Variants in GAB3 observed in about 807,000 individuals in gnomAD.
The protein encoded by GAB3 is GRB2-associated-binding protein 3.
A neutral mutation model predicts 40.4 loss-of-function variants in GAB3; 12 were observed. That is an observed-to-expected ratio of 0.30 (90% CI 0.19 to 0.48). GAB3 has a LOEUF of 0.48. Among genes scored for constraint, GAB3 ranks in the 20% least tolerant of loss-of-function variants. The pLI is 0.99. For synonymous variants in GAB3, 154 were observed against 176.7 expected (o/e 0.87, Z 1.02); for missense variants, 381 against 461.9 (o/e 0.82, Z 1.61).
rs189485520 is a variant in GAB3, at chrX:154,724,342, T to A, written c.73-8013A>T. Among the ~76,000 whole-genome samples, 30 of 104,810 alleles carry A rather than the reference T, an allele frequency of 2.9e-4. No homozygotes were observed. In the East Asian group the frequency reaches 8.5e-3, roughly 30 times the overall value. 91.0% of individuals were successfully genotyped at this position (104,810 alleles called of 115,157 possible). ...CTGGGCAACAGAGTGAGACTTCATCTTAAATAAATAAATAAATAAATAAAT... is the reference window on the plus strand; with the variant it reads ...CTGGGCAACAGAGTGAGACTTCATCATAAATAAATAAATAAATAAATAAAT... On this transcript the variant is annotated intron_variant, in intron 1 of 9. Coordinates refer to ENST00000424127, the MANE Select transcript of GAB3 (RefSeq NM_001081573.3).
At position 154,693,929 on chromosome X, in the gene GAB3, C is replaced by T. The variant is rs184472020; in HGVS notation, c.1530+1988G>A. On this transcript the variant is annotated intron_variant, in intron 8 of 9. Transcript: ENST00000424127. The stretch of plus-strand genomic sequence containing the variant: ...TCTAAATTTTCTATAATTTCACAAA[C>T]ATTTAAAGAAGGATATATGGCAAAA... Among the ~76,000 whole-genome samples, 5 of 111,078 alleles carry T rather than the reference C, an allele frequency of 4.5e-5. No individual in the cohort carries two copies. In the East Asian group the frequency reaches 1.4e-3, roughly 31 times the overall value.
At chrX:154,685,017 T>G (rs1347772196) in intron 8 of GAB3, among the ~76,000 whole-genome samples, 1 of 112,090 alleles carries the variant, frequency 8.9e-6, no homozygotes, top group Non-Finnish European at 1.9e-5. Flanking sequence ...AGTAACTTAT[T>G]CATAAATTAT....
chrX:154,723,952 A>T (rs2071174193), intron 1 of GAB3, among the ~76,000 whole-genome samples: 1 of 111,773 alleles, frequency 8.9e-6, no homozygotes, highest in Admixed American at 9.5e-5. Flanking sequence ...GTCATCTGTA[A>T]ATGTAAATAG....
In GAB3 at chrX:154,698,999, G is replaced by A. The variant is rs781885420; in HGVS notation, c.1345+295C>T. Among the ~76,000 whole-genome samples, 5 of 111,407 alleles carry A rather than the reference G, an allele frequency of 4.5e-5. No homozygotes were observed. The Middle Eastern group carries it at 0.014, about 307-fold the overall frequency. ...TCTAATCCACCATCACTTATTCCTG[G>A]GCCTTTGTTAGGGAAACAGCCAAAG... is the stretch of plus-strand genomic sequence containing the variant. On this transcript the variant is annotated intron_variant, in intron 6 of 9. Coordinates refer to ENST00000424127, the MANE Select transcript of GAB3 (RefSeq NM_001081573.3).
chrX:154,681,440 T>C (rs2070372933), intron 8 of GAB3, among the ~76,000 whole-genome samples: 1 of 110,539 alleles, frequency 9.0e-6, no homozygotes, highest in Non-Finnish European at 1.9e-5. Flanking sequence ...TTTGGGTTTT[T>C]TTTTTTGCCT....
intron 4 of GAB3, among the ~76,000 whole-genome samples, chrX:154,705,191 C>T (rs2070789664): frequency 9.0e-6 from 1 of 111,285 alleles, no homozygotes. Context: ...AAGAAAACTA[C>T]AGGCCAGTAT....
rs2070306878 is a variant in GAB3, at chrX:154,677,078, G to A, written c.*1100C>T. 9.0e-6 allele frequency: 1 copy of A among 111,503 alleles called. No homozygotes were observed. The highest frequency in any genetic ancestry group is 1.9e-5 in the Non-Finnish European group (1 of 53,004). The allele number at this position is 111,503 out of a possible 1,213,427, so 9.2% of individuals were successfully genotyped here. ...GGTCATTGTGTCTGCTAGCTCACAG[G>A]GAAACACACTGTATAGGTGACCATG... On this transcript the variant is annotated 3_prime_UTR_variant, in exon 10 of 10. Transcript: ENST00000424127.
At chrX:154,699,185 G>A (rs1043518150) in intron 6 of GAB3, 109 bp downstream of exon 6, 5 of 609,591 alleles carry the variant, frequency 8.2e-6, no homozygotes, top group African/African-American at 2.3e-5. Flanking sequence ...TACACTTTCC[G>A]GCCCTCTGGG....
intron 1 of GAB3, among the ~76,000 whole-genome samples, chrX:154,731,432 C>T (rs1041249876): frequency 8.1e-5 from 9 of 111,679 alleles, no homozygotes; most frequent in Non-Finnish European, 1.5e-4. Context: ...TGAGGGGAGG[C>T]TCTTCTAAGC....
At chrX:154,735,312 C>T (rs191632420) in intron 1 of GAB3, among the ~76,000 whole-genome samples, 4 of 112,355 alleles carry the variant, frequency 3.6e-5, no homozygotes, top group African/African-American at 6.5e-5. Context: ...TGGCAATCTC[C>T]GCACTCTCAT....
chrX:154,685,602 GA>G (rs1323303083), intron 8 of GAB3, among the ~76,000 whole-genome samples: 3 of 108,716 alleles, frequency 2.8e-5, no homozygotes, highest in South Asian at 3.9e-4. Flanking sequence ...AAAAGTCAAA[GA>G]AAAAAAACAA....
intron 1 of GAB3, among the ~76,000 whole-genome samples, chrX:154,733,260 G>A (rs1437645745): frequency 8.9e-6 from 1 of 112,300 alleles, no homozygotes; most frequent in Non-Finnish European, 1.9e-5. Context: ...GCAATTCAAT[G>A]TATGCTATTT....
chrX:154,701,121 T>C (rs1557252153), intron 4 of GAB3, among the ~76,000 whole-genome samples: 1 of 111,998 alleles, frequency 8.9e-6, no homozygotes, highest in Non-Finnish European at 1.9e-5. Context: ...TGTATGGCAC[T>C]AGACAAGTTA....
chrX:154,679,996 C>T lies in GAB3; in HGVS notation c.1647+136G>A, dbSNP rs1373573452. ...TTCTCTCTGGGAGGCAGGATGAGGGCCGATTTTAATATTCTTCATTATACA... is the reference window on the plus strand; with the variant it reads ...TTCTCTCTGGGAGGCAGGATGAGGGTCGATTTTAATATTCTTCATTATACA... On this transcript the variant is annotated intron_variant, in intron 9 of 9. Coordinates refer to ENST00000424127, the MANE Select transcript of GAB3 (RefSeq NM_001081573.3). 1.3e-5 allele frequency: 6 copies of T among 467,320 alleles called. No homozygotes were observed. In the Admixed American group the frequency reaches 1.3e-4, roughly 10 times the overall value. The allele number at this position is 467,320 out of a possible 1,213,427, so 38.5% of individuals were successfully genotyped here.
At chrX:154,685,205 A>AAT (rs1381597241) in intron 8 of GAB3, among the ~76,000 whole-genome samples, 1 of 111,395 alleles carries the variant, frequency 9.0e-6, no homozygotes, top group African/African-American at 3.3e-5. Context: ...TATTTCTTTA[A>AAT]ATATAGTAAA....
rs1603425967 is a variant in GAB3 at position 154,710,875 on chromosome X, T to C, written c.1069+1354A>G. Among the ~76,000 whole-genome samples, 7 of 112,804 alleles carry C rather than the reference T, an allele frequency of 6.2e-5. No homozygotes were observed. In the Admixed American group the frequency reaches 6.5e-4, roughly 11 times the overall value. ...TTTTTGTTCTTCAATTTAAGACTTT[T>C]AATTCATTTTCATATGTTATTATTC... On this transcript the variant is annotated intron_variant, in intron 4 of 9. Transcript: ENST00000424127.
chrX:154,695,320 G>C (rs782698047), intron 8 of GAB3, among the ~76,000 whole-genome samples: 1 of 111,935 alleles, frequency 8.9e-6, no homozygotes, highest in East Asian at 2.8e-4. Flanking sequence ...CAACAGGCTA[G>C]AAGGGAAACA....
chrX:154,749,363 T>C (rs782612026), intron 1 of GAB3, among the ~76,000 whole-genome samples: 10 of 113,073 alleles, frequency 8.8e-5, no homozygotes, highest in Admixed American at 2.8e-4. Context: ...TGAAATTGTA[T>C]AGTGAACCTT....
At position 154,677,861 on chromosome X, in the gene GAB3, T is replaced by C; in HGVS notation, c.*317A>G. The C allele has an allele frequency of 1.0e-5, 3 of 289,659 alleles. No homozygotes were observed. The highest frequency in any genetic ancestry group is 1.8e-3 in the Middle Eastern group (2 of 1,098). 23.9% of individuals were successfully genotyped at this position (289,659 alleles called of 1,213,427 possible). ...ACAGGAGAGAAGTCAGAATTTCAGG[T>C]ATTGGAGTCAAACGATAAAATCCTG... On this transcript the variant is annotated 3_prime_UTR_variant, in exon 10 of 10. Coordinates refer to ENST00000424127, the MANE Select transcript of GAB3 (RefSeq NM_001081573.3).
Sources: gnomAD v4.1 joint callset for allele counts (sites outside exome capture counted in the v4.1 genomes callset) on GRCh38, gnomAD v4.1.1 for gene constraint, MANE v1.5 for transcripts, NCBI Gene and HGNC (gene_info 2026-07-23, HGNC 2026-07-21) for gene names.